CCDC91: variants seen among roughly 807,000 people sequenced by gnomAD.
The protein encoded by CCDC91 is coiled-coil domain-containing protein 91.
CCDC91 carries 48 observed loss-of-function variants against 63.2 expected under a neutral mutation model. The ratio of observed to expected loss-of-function variants is 0.76; its 90% CI spans 0.60 to 0.97. CCDC91 has a LOEUF of 0.97. CCDC91 is among the 50% of genes least tolerant of loss of function. The pLI is 0.00. For missense variants in CCDC91, 500 were observed against 494.6 expected, an observed-to-expected ratio of 1.01 and a Z score of -0.10; for synonymous variants, 167 against 165.8, an observed-to-expected ratio of 1.01 and a Z score of -0.06.
intron 1 of CCDC91, among the ~76,000 whole-genome samples, chr12:28,226,989 T>C (rs956557245): frequency 2.0e-5 from 3 of 152,144 alleles, no homozygotes; most frequent in Admixed American, 6.5e-5. Context: ...GAGATTGATA[T>C]GATGTTTTTC....
At chr12:28,388,804 A>G (rs1945764312) in intron 7 of CCDC91, among the ~76,000 whole-genome samples, 1 of 152,166 alleles carries the variant, frequency 6.6e-6, no homozygotes, top group Non-Finnish European at 1.5e-5. Flanking sequence ...GGCAAGCCAC[A>G]TCTAGGAGAT....
rs12368578 is a variant in CCDC91, at chr12:28,264,585, C to G, written c.109+5143C>G. Among the ~76,000 whole-genome samples, 956 of 137,290 alleles carry G rather than the reference C, an allele frequency of 7.0e-3. 6 individuals are homozygous for G. Among genetic ancestry groups the G allele is most frequent in the East Asian group, 0.024 (110 of 4,644 alleles). The allele number at this position is 137,290 out of a possible 152,430, so 90.1% of individuals were successfully genotyped here. On this transcript the variant is annotated intron_variant, in intron 3 of 12. Coordinates refer to ENST00000536442, the MANE Select transcript of CCDC91 (RefSeq NM_018318.5). ...TAGGCACATATATATATATGTCTGTCTGTGTGTGTGTGTGTGTGTGTGTGT... is the reference window on the plus strand; with the variant it reads ...TAGGCACATATATATATATGTCTGTGTGTGTGTGTGTGTGTGTGTGTGTGT...
chr12:28,428,837 T>C (rs1035034195), intron 8 of CCDC91, among the ~76,000 whole-genome samples: 1 of 152,108 alleles, frequency 6.6e-6, no homozygotes, highest in Non-Finnish European at 1.5e-5. Flanking sequence ...AAGGTTTTTG[T>C]GAGTGAACAG....
chr12:28,500,903 CA>C (rs1937747389), intron 12 of CCDC91, among the ~76,000 whole-genome samples: 1 of 151,610 alleles, frequency 6.6e-6, no homozygotes, highest in South Asian at 2.1e-4. Context: ...TATGATCTGG[CA>C]AATCTTTCAT....
intron 1 of CCDC91, among the ~76,000 whole-genome samples, chr12:28,223,673 T>C (rs1944093631): frequency 3.3e-5 from 5 of 152,220 alleles, no homozygotes; most frequent in Admixed American, 2.6e-4. Context: ...GTAATTGTAA[T>C]GTATTAGTGA....
intron 8 of CCDC91, among the ~76,000 whole-genome samples, chr12:28,400,995 A>G (rs1196751810): frequency 1.3e-5 from 2 of 152,000 alleles, no homozygotes; most frequent in East Asian, 1.9e-4. Context: ...GGAAGTTCCA[A>G]ACTTTCCCAC....
chr12:28,212,383 G>A (rs1943290244), intron 1 of CCDC91, among the ~76,000 whole-genome samples: 1 of 152,220 alleles, frequency 6.6e-6, no homozygotes, highest in African/African-American at 2.4e-5. Flanking sequence ...GAAATGGGAA[G>A]TGAGGTACAG....
intron 3 of CCDC91, among the ~76,000 whole-genome samples, chr12:28,268,198 G>C (rs1237801660): frequency 6.6e-6 from 1 of 151,132 alleles, no homozygotes. Flanking sequence ...TGAGTAGCTG[G>C]GATTACAGGT....
At chr12:28,383,121 A>G (rs375745830) in intron 7 of CCDC91, among the ~76,000 whole-genome samples, 1 of 152,266 alleles carries the variant, frequency 6.6e-6, no homozygotes, top group East Asian at 1.9e-4. Context: ...TTATGTTACT[A>G]GATTCCCTTA....
chr12:28,283,598 G>T (rs779990439), intron 3 of CCDC91, among the ~76,000 whole-genome samples: 1 of 151,986 alleles, frequency 6.6e-6, no homozygotes, highest in Non-Finnish European at 1.5e-5. Context: ...TACCCAAAAT[G>T]CTTGAGACTG....
intron 3 of CCDC91, among the ~76,000 whole-genome samples, chr12:28,275,197 G>A (rs1948113782): frequency 6.6e-6 from 1 of 151,954 alleles, no homozygotes; most frequent in South Asian, 2.1e-4. Context: ...TTTTTGAAAA[G>A]ATCAACAAAA....
chr12:28,469,769 C>G (rs1414667259), intron 11 of CCDC91, among the ~76,000 whole-genome samples: 1 of 151,926 alleles, frequency 6.6e-6, no homozygotes, highest in African/African-American at 2.4e-5. Flanking sequence ...AATAGAGAAC[C>G]CAGAAACAAA....
At chr12:28,376,043 C>T (rs17433455) in intron 7 of CCDC91, among the ~76,000 whole-genome samples, 21,839 of 151,560 alleles carry the variant, frequency 0.14, 2,111 homozygotes, top group Non-Finnish European at 0.21. Flanking sequence ...AATGCATATG[C>T]CAAGGAGTTT....
intron 12 of CCDC91, among the ~76,000 whole-genome samples, chr12:28,526,044 T>G (rs555391901): frequency 4.1e-4 from 62 of 152,312 alleles, no homozygotes; most frequent in African/African-American, 1.4e-3. Flanking sequence ...TCTTATCTAT[T>G]CGGCAATTTT....
intron 1 of CCDC91, among the ~76,000 whole-genome samples, chr12:28,200,022 TTC>T (rs1942088353): frequency 6.6e-6 from 1 of 152,134 alleles, no homozygotes; most frequent in Admixed American, 6.5e-5. Flanking sequence ...TCTTCAAATA[TTC>T]TTTCTGTTCC....
At chr12:28,289,069 CT>C (rs991895009) in intron 3 of CCDC91, among the ~76,000 whole-genome samples, 16 of 151,762 alleles carry the variant, frequency 1.1e-4, no homozygotes, top group Admixed American at 7.9e-4. Flanking sequence ...TGGATCATTA[CT>C]TTTTTTCTTC....
At chr12:28,254,888 C>T (rs1369053196) in intron 1 of CCDC91, among the ~76,000 whole-genome samples, 1 of 151,552 alleles carries the variant, frequency 6.6e-6, no homozygotes, top group Non-Finnish European at 1.5e-5. Context: ...TCTTCTACCT[C>T]AGCCCCACAA....
chr12:28,471,371 G>A (rs1757895293), intron 11 of CCDC91, among the ~76,000 whole-genome samples: 1 of 152,066 alleles, frequency 6.6e-6, no homozygotes, highest in South Asian at 2.1e-4. Flanking sequence ...ACTAGATATC[G>A]AAACTTTTAC....
At chr12:28,343,776 G>T (rs1220880334) in intron 6 of CCDC91, among the ~76,000 whole-genome samples, 1 of 152,106 alleles carries the variant, frequency 6.6e-6, no homozygotes, top group Non-Finnish European at 1.5e-5. Context: ...GACTTCTCTA[G>T]AAATAATGTA....
Sources: gnomAD v4.1 joint callset for allele counts (sites outside exome capture counted in the v4.1 genomes callset) on GRCh38, gnomAD v4.1.1 for gene constraint, MANE v1.5 for transcripts, NCBI Gene and HGNC (gene_info 2026-07-23, HGNC 2026-07-21) for gene names.